The following RBM6 variants were observed in gnomAD, a reference collection of about 807,000 sequenced individuals.
The protein encoded by RBM6 is RNA binding motif protein 6.
RBM6 carries 23 observed loss-of-function variants against 140.4 expected under a neutral mutation model. The observed-to-expected ratio is 0.16, with a 90% confidence interval of 0.12 to 0.23. The LOEUF (loss-of-function observed/expected upper bound fraction) is 0.23, where lower values mean the gene tolerates loss of function less well. Among genes scored for constraint, RBM6 ranks in the 10% least tolerant of loss-of-function variants. The pLI is 1.00. For synonymous variants in RBM6, 439 were observed against 475.6 expected, an observed-to-expected ratio of 0.92 and a Z score of 1.00; for missense variants, 1,139 against 1,386.7, an observed-to-expected ratio of 0.82 and a Z score of 2.84.
At chr3:50,021,534 A>C (rs938099139) in intron 6 of RBM6, among the ~76,000 whole-genome samples, 3 of 151,966 alleles carry the variant, frequency 2.0e-5, no homozygotes, top group Non-Finnish European at 2.9e-5. Context: ...CAGCTGCTCA[A>C]GAGGCTGAGG....
chr3:50,062,507 A>C (rs571708604), intron 15 of RBM6, among the ~76,000 whole-genome samples: 23 of 152,104 alleles, frequency 1.5e-4, no homozygotes, highest in African/African-American at 5.5e-4. Flanking sequence ...TGTATCAAAA[A>C]AAAAAAAAAA....
intron 1 of RBM6, among the ~76,000 whole-genome samples, chr3:49,945,981 G>A (rs1288953680): frequency 2.0e-5 from 3 of 151,802 alleles, no homozygotes; most frequent in Admixed American, 6.6e-5. Context: ...CCAGGAGTGC[G>A]TGTACAGAGA....
rs202185790 is a variant in RBM6, at chr3:49,967,713, G to C, written c.288G>C (p.Arg96Ser). The change falls in exon 3 of 21, where the codon AGG becomes AGC. Residue 96 changes from arginine (R) to serine (S), a missense_variant. By Grantham distance (110) the Arg-to-Ser change is moderately radical. Transcript: ENST00000266022. The surrounding 1 kb of genome is among the most constrained non-coding windows in gnomAD (Gnocchi z 4.0). ...GGGAGGGACCTGGACATGATTTCAG[G>C]GGGGGAGATTTTTCGTCTTCTGATT... is the stretch of plus-strand genomic sequence containing the variant. Reference protein sequence around the residue: ...RGGEGPGHDFRGGDFSSSDFQ... With the variant: ...RGGEGPGHDFSGGDFSSSDFQ... The C allele has an allele frequency of 4.3e-5, 69 of 1,614,000 alleles. No individual in the cohort carries two copies. Among genetic ancestry groups the C allele is most frequent in the Admixed American group, 1.0e-4 (6 of 59,966 alleles).
chr3:49,976,298 TCAGAATGCTTCTG>T (rs1173574092), intron 5 of RBM6, among the ~76,000 whole-genome samples: 26 of 152,176 alleles, frequency 1.7e-4, no homozygotes, highest in Non-Finnish European at 3.7e-4. Context: ...GATAACTTCT[TCAGAATGCTTCTG>T]CAGAGGAAAA....
At chr3:49,973,859 T>G (rs1010614436) in intron 4 of RBM6, among the ~76,000 whole-genome samples, 3 of 151,130 alleles carry the variant, frequency 2.0e-5, no homozygotes, top group Non-Finnish European at 2.9e-5. Context: ...GTGCTGAGAT[T>G]ACACGCATGA....
chr3:49,981,646 G>A (rs950532974), intron 5 of RBM6: 2 of 152,296 alleles, frequency 1.3e-5, no homozygotes, highest in Non-Finnish European at 2.9e-5. Flanking sequence ...TGCATAGCAG[G>A]AGAAGGAGCT....
At chr3:49,963,931 C>G (rs186708456) in intron 2 of RBM6, among the ~76,000 whole-genome samples, 164 of 152,206 alleles carry the variant, frequency 1.1e-3, no homozygotes, top group African/African-American at 3.7e-3. Flanking sequence ...AATGGAGTCT[C>G]ACTCTGTTGC....
intron 6 of RBM6, among the ~76,000 whole-genome samples, chr3:50,040,274 A>G (rs2088806094): frequency 6.6e-6 from 1 of 151,506 alleles, no homozygotes; most frequent in Non-Finnish European, 1.5e-5. Flanking sequence ...GTGAAACCCC[A>G]TCTCTACTAA....
intron 1 of RBM6, among the ~76,000 whole-genome samples, chr3:49,945,641 G>A (rs1210366624): frequency 1.3e-5 from 2 of 152,100 alleles, no homozygotes; most frequent in Non-Finnish European, 2.9e-5. Context: ...CCAGCACTTT[G>A]GGAGGCTGAG....
intron 1 of RBM6, among the ~76,000 whole-genome samples, chr3:49,961,717 C>T (rs1162989908): frequency 6.7e-6 from 1 of 150,274 alleles, no homozygotes; most frequent in Admixed American, 6.6e-5. Flanking sequence ...AAGAATCGCT[C>T]GAACCGGGGA....
intron 20 of RBM6, 32 bp downstream of exon 20, chr3:50,075,362 A>G (rs1279354524): frequency 6.2e-7 from 1 of 1,601,954 alleles, no homozygotes; most frequent in Non-Finnish European, 8.5e-7. Context: ...GGGGGGTGAC[A>G]TGAACCTGGA....
rs147633628 is a variant in RBM6, at chr3:49,969,807, C to T, written c.1323+1059C>T. 2.4e-3 allele frequency among the ~76,000 whole-genome samples: 357 copies of T among 151,574 alleles called. 1 individual carries two copies. Among genetic ancestry groups the T allele is most frequent in the East Asian group, 0.022 (114 of 5,148 alleles). On this transcript the variant is annotated intron_variant, in intron 3 of 20. Transcript: ENST00000266022. ...CCTTTGAGAATGAGTCTTGCTCTGTCGCTCAGGCTGAAGTGCAGTTGTGCG... is the reference window on the plus strand; with the variant it reads ...CCTTTGAGAATGAGTCTTGCTCTGTTGCTCAGGCTGAAGTGCAGTTGTGCG...
chr3:50,016,730 C>T lies in RBM6; in HGVS notation c.1557+17217C>T, dbSNP rs140075447. On this transcript the variant is annotated intron_variant, in intron 6 of 20. Coordinates refer to ENST00000266022, the MANE Select transcript of RBM6 (RefSeq NM_005777.3). ...CATCACACAGGCTGGAGTTCAGTGG[C>T]GTGATCCCAGCTCATTTGCAGCCTT... 3.9e-3 allele frequency among the ~76,000 whole-genome samples: 590 copies of T among 151,690 alleles called. 4 individuals carry two copies. Among genetic ancestry groups the T allele is most frequent in the African/African-American group, 0.014 (574 of 41,374 alleles).
intron 6 of RBM6, among the ~76,000 whole-genome samples, chr3:50,030,782 G>A (rs1412028320): frequency 6.6e-6 from 1 of 152,100 alleles, no homozygotes; most frequent in African/African-American, 2.4e-5. Flanking sequence ...TGTTCAAGAT[G>A]GCTATTTGAG....
In RBM6 at chr3:50,065,161, G is replaced by A. The variant is rs761776615; in HGVS notation, c.2682+35G>A. On this transcript the variant is annotated intron_variant, in intron 16 of 20. Coordinates refer to ENST00000266022, the MANE Select transcript of RBM6 (RefSeq NM_005777.3). ...ACATTGATCCCCTGGACCTAGGGCT[G>A]GGGCTGGGGATGGTTCCGAGTAGAA... The A allele has an allele frequency of 5.2e-6, 8 of 1,536,264 alleles. No individual in the cohort carries two copies. In the East Asian group the frequency reaches 1.1e-4, roughly 22 times the overall value.
intron 6 of RBM6, among the ~76,000 whole-genome samples, chr3:50,015,262 C>T (rs1445150300): frequency 2.6e-5 from 4 of 151,154 alleles, no homozygotes; most frequent in South Asian, 2.1e-4. Context: ...TACCCACCAC[C>T]ACGCCCGGCT....
At chr3:49,972,700 C>A (rs1192363962) in intron 4 of RBM6, among the ~76,000 whole-genome samples, 1 of 152,146 alleles carries the variant, frequency 6.6e-6, no homozygotes, top group African/African-American at 2.4e-5. Context: ...GTTCTAGATA[C>A]TGAGTGACAC....
intron 1 of RBM6, among the ~76,000 whole-genome samples, chr3:49,956,676 A>T (rs890170758): frequency 7.8e-6 from 1 of 128,904 alleles, no homozygotes. Flanking sequence ...TTATTTATTT[A>T]TTTTTTGAGA....
chr3:50,033,980 A>G (rs927527436), intron 6 of RBM6, among the ~76,000 whole-genome samples: 3 of 152,020 alleles, frequency 2.0e-5, no homozygotes, highest in African/African-American at 7.2e-5. Flanking sequence ...AAACCTTATT[A>G]TACATAAACA....
Sources: allele counts gnomAD v4.1 joint callset (sites outside exome capture counted in the v4.1 genomes callset), GRCh38; gene constraint gnomAD v4.1.1; non-coding constraint Gnocchi (gnomAD v3.1); transcripts MANE v1.5; gene names NCBI Gene and HGNC (gene_info 2026-07-23, HGNC 2026-07-21).